The following SLC16A7 variants were observed in gnomAD, a reference collection of about 807,000 sequenced individuals.
SLC16A7 encodes the protein monocarboxylate transporter 2.
A neutral mutation model predicts 34.9 loss-of-function variants in SLC16A7; 33 were observed. That is an observed-to-expected ratio of 0.94 (90% confidence interval 0.72 to 1.26). The LOEUF (loss-of-function observed/expected upper bound fraction) is 1.26. Ranked by LOEUF, SLC16A7 falls within the 50% of genes most tolerant of loss-of-function variation. SLC16A7 has a pLI of 0.00. For missense variants in SLC16A7, 573 were observed against 578.1 expected, an observed-to-expected ratio of 0.99 and a Z score of 0.09; for synonymous variants, 201 against 206.6, an observed-to-expected ratio of 0.97 and a Z score of 0.23.
chr12:59,699,355 C>T (rs1445258839), intron 2 of SLC16A7, among the ~76,000 whole-genome samples: 1 of 151,528 alleles, frequency 6.6e-6, no homozygotes, highest in Admixed American at 6.6e-5. Flanking sequence ...TGAAAAGATA[C>T]TCAAAATTAT....
intron 1 of SLC16A7, among the ~76,000 whole-genome samples, chr12:59,646,722 C>A (rs1218305920): frequency 1.3e-5 from 2 of 152,192 alleles, no homozygotes; most frequent in Non-Finnish European, 2.9e-5. Context: ...GGAAAAGCTG[C>A]AGGCACTCAA....
At chr12:59,673,408 G>A (rs1343197369) in intron 2 of SLC16A7, among the ~76,000 whole-genome samples, 2 of 150,918 alleles carry the variant, frequency 1.3e-5, no homozygotes, top group Non-Finnish European at 2.9e-5. Context: ...CCATGATGTT[G>A]AACAAAATTA....
At chr12:59,642,571 A>T (rs73109982) in intron 1 of SLC16A7, among the ~76,000 whole-genome samples, 112 of 152,222 alleles carry the variant, frequency 7.4e-4, no homozygotes, top group South Asian at 2.3e-3. Context: ...GATGAATAAA[A>T]GTTAAGAATG....
intron 1 of SLC16A7, chr12:59,597,062 G>T (rs1878444784): frequency 6.6e-6 from 1 of 152,336 alleles, no homozygotes; most frequent in African/African-American, 2.4e-5. Flanking sequence ...TTTTCTCAGC[G>T]GATGCTGCAT....
intron 1 of SLC16A7, among the ~76,000 whole-genome samples, chr12:59,640,028 T>C (rs1173117049): frequency 2.6e-5 from 4 of 152,156 alleles, no homozygotes; most frequent in African/African-American, 9.7e-5. Flanking sequence ...TTTCTTATAG[T>C]TACCAGTTTA....
chr12:59,762,560 TA>T (rs1029136003), intron 3 of SLC16A7, among the ~76,000 whole-genome samples: 1 of 152,146 alleles, frequency 6.6e-6, no homozygotes, highest in Non-Finnish European at 1.5e-5. Context: ...AAAAAAGGTC[TA>T]AAAATTTCTT....
intron 3 of SLC16A7, among the ~76,000 whole-genome samples, chr12:59,721,499 C>T (rs1875586922): frequency 6.6e-6 from 1 of 151,946 alleles, no homozygotes; most frequent in African/African-American, 2.4e-5. Context: ...TAGCTTATAA[C>T]CATGATATTC....
intron 3 of SLC16A7, among the ~76,000 whole-genome samples, chr12:59,765,811 T>C (rs945843810): frequency 6.6e-5 from 10 of 152,198 alleles, no homozygotes; most frequent in Non-Finnish European, 1.5e-4. Context: ...GACTTGGCAA[T>C]GCGGGCTCTT....
chr12:59,663,035 A>T (rs1490636512), intron 2 of SLC16A7, among the ~76,000 whole-genome samples: 1 of 152,068 alleles, frequency 6.6e-6, no homozygotes, highest in Non-Finnish European at 1.5e-5. Context: ...GTCAGTGGAT[A>T]GTATTTTTTG....
At position 59,750,295 on chromosome 12, in the gene SLC16A7, A is replaced by C. The variant is rs1272310725; in HGVS notation, c.218-20924A>C. ...GAACAGGCCACCTACAGAATGGGAG[A>C]AAGATTTTGCAATCTATCCATCCGA... On this transcript the variant is annotated intron_variant, in intron 3 of 5. Coordinates refer to ENST00000547379, the MANE Select transcript of SLC16A7 (RefSeq NM_001270623.2). Among the ~76,000 whole-genome samples the C allele has an allele frequency of 2.0e-5, 3 of 152,246 alleles. No individual in the cohort carries two copies. In the South Asian group the frequency reaches 6.2e-4, roughly 31 times the overall value.
intron 1 of SLC16A7, among the ~76,000 whole-genome samples, chr12:59,648,280 G>T (rs942857470): frequency 1.3e-5 from 2 of 152,100 alleles, no homozygotes; most frequent in Non-Finnish European, 2.9e-5. Context: ...ATGTCCCTTA[G>T]CTCTATTTAA....
intron 2 of SLC16A7, among the ~76,000 whole-genome samples, chr12:59,671,901 A>G (rs142528755): frequency 0.012 from 1,350 of 109,298 alleles, 263 homozygotes; most frequent in African/African-American, 0.056. Context: ...ACATATGTAT[A>G]TATACATATA....
rs1036913622 is a variant in SLC16A7, at chr12:59,780,475, A to G, written c.*796A>G. On this transcript the variant is annotated 3_prime_UTR_variant, in exon 6 of 6. Coordinates refer to ENST00000547379, the MANE Select transcript of SLC16A7 (RefSeq NM_001270623.2). Reference sequence around the variant, plus strand: ...ACATGATTTTTTTTGAGTAGGGAGCATTAGTACCTGGTGCTAGAGAATAGA... The same window carrying G: ...ACATGATTTTTTTTGAGTAGGGAGCGTTAGTACCTGGTGCTAGAGAATAGA... 6.6e-6 allele frequency: 1 copy of G among 152,154 alleles called. No homozygotes were observed. Among genetic ancestry groups the G allele is most frequent in the African/African-American group, 2.4e-5 (1 of 41,462 alleles). 9.4% of individuals were successfully genotyped at this position (152,154 alleles called of 1,614,324 possible). A position where few individuals can be genotyped will look rare whatever the true frequency, so the allele number is the denominator to read the frequency against.
chr12:59,619,136 T>C (rs890405731), intron 1 of SLC16A7, among the ~76,000 whole-genome samples: 1 of 152,100 alleles, frequency 6.6e-6, no homozygotes, highest in African/African-American at 2.4e-5. Context: ...CGAATGAACA[T>C]TTAGCCTTTA....
At chr12:59,748,190 G>A (rs1035187077) in intron 3 of SLC16A7, among the ~76,000 whole-genome samples, 1 of 152,146 alleles carries the variant, frequency 6.6e-6, no homozygotes, top group Non-Finnish European at 1.5e-5. Context: ...AGCTAGATAG[G>A]ATAGGATTTT....
rs1878488174 is a variant in SLC16A7 at position 59,597,706 on chromosome 12, G to A, written c.-130+1470G>A. 2.6e-5 allele frequency among the ~76,000 whole-genome samples: 4 copies of A among 152,280 alleles called. No homozygotes were observed. The South Asian group carries it at 8.3e-4, about 32-fold the overall frequency. ...CTAACTCCAGGTTCTACTTCTGACT[G>A]AGCAGATTACATTTAAAGCAATCCA... On this transcript the variant is annotated intron_variant, in intron 1 of 5. Transcript: ENST00000547379.
rs913328726 is a variant in SLC16A7 at position 59,785,724 on chromosome 12, T to C, written c.*6045T>C. 1 of 152,136 alleles carries C rather than the reference T, an allele frequency of 6.6e-6. No homozygotes were observed. The highest frequency in any genetic ancestry group is 1.5e-5 in the Non-Finnish European group (1 of 68,014). 9.4% of individuals were successfully genotyped at this position (152,136 alleles called of 1,614,324 possible). On this transcript the variant is annotated 3_prime_UTR_variant, in exon 6 of 6. Coordinates refer to ENST00000547379, the MANE Select transcript of SLC16A7 (RefSeq NM_001270623.2). ...TATTCAGGAATATTTCAGTAGGCAA[T>C]TAATGATCATAAATTTATTCACATT...
intron 1 of SLC16A7, among the ~76,000 whole-genome samples, chr12:59,598,615 ACCTG>A: frequency 6.6e-6 from 1 of 152,302 alleles, no homozygotes; most frequent in African/African-American, 2.4e-5. Flanking sequence ...TTTCTCAGGA[ACCTG>A]TATTCAGCCC....
intron 2 of SLC16A7, among the ~76,000 whole-genome samples, chr12:59,685,365 G>A (rs184910963): frequency 1.0e-3 from 158 of 152,202 alleles, no homozygotes; most frequent in African/African-American, 3.1e-3. Flanking sequence ...TAAAGAATGC[G>A]ATGGAAATGA....
Sources: allele counts gnomAD v4.1 joint callset (sites outside exome capture counted in the v4.1 genomes callset), GRCh38; gene constraint gnomAD v4.1.1; transcripts MANE v1.5; gene names NCBI Gene and HGNC (gene_info 2026-07-23, HGNC 2026-07-21).